Variants in CNOT2 observed in about 807,000 individuals in gnomAD.
CNOT2 encodes CC chemokine receptor 4-negative regulator of transcription 2.
Under a neutral mutation model 72.1 loss-of-function variants are expected in CNOT2, and 7 were observed. The observed-to-expected ratio is 0.10, with a 90% confidence interval of 0.06 to 0.18. The LOEUF (loss-of-function observed/expected upper bound fraction) is 0.18, where lower values mean the gene tolerates loss of function less well. Ranked by LOEUF, CNOT2 falls within the 10% of genes least tolerant of loss-of-function variation. CNOT2 has a pLI of 1.00. For synonymous variants in CNOT2, 196 were observed against 225.6 expected (o/e 0.87, Z 1.17); for missense variants, 345 against 660.3 (o/e 0.52, Z 5.23).
At chr12:70,277,009 C>CAT (rs974723171) in intron 1 of CNOT2, among the ~76,000 whole-genome samples, 34 of 151,740 alleles carry the variant, frequency 2.2e-4, no homozygotes, top group Admixed American at 9.8e-4. Context: ...AGAGGTACTC[C>CAT]ATATATATGT....
At chr12:70,337,648 A>C (rs1880885377) in intron 9 of CNOT2, 135 bp downstream of exon 9, 2 of 940,036 alleles carry the variant, frequency 2.1e-6, no homozygotes, top group African/African-American at 3.4e-5. Flanking sequence ...CTTCTGAAGA[A>C]TGTGGAAAAG....
chr12:70,344,877 G>A (rs1035659873), intron 14 of CNOT2: 5 of 152,058 alleles, frequency 3.3e-5, no homozygotes, highest in African/African-American at 7.2e-5. Context: ...TAAATAATTC[G>A]ATACTGAATT....
chr12:70,338,661 C>T lies in CNOT2; in HGVS notation c.1022-5C>T. The T allele has an allele frequency of 1.2e-6, 2 of 1,609,058 alleles. No homozygotes were observed. The highest frequency in any genetic ancestry group is 1.7e-6 in the Non-Finnish European group (2 of 1,178,062). The stretch of plus-strand genomic sequence containing the variant: ...AATAAAAGCAACTGTGTTTTTCCTA[C>T]CCAGGTCGGGTTACTAACATTCCTC... On this transcript the variant is annotated splice_region_variant and splice_polypyrimidine_tract_variant and intron_variant, in intron 10 of 15. Transcript: ENST00000229195.
At chr12:70,274,719 A>G (rs777701572) in intron 1 of CNOT2, among the ~76,000 whole-genome samples, 1 of 152,044 alleles carries the variant, frequency 6.6e-6, no homozygotes, top group Non-Finnish European at 1.5e-5. Context: ...TAATTGATCT[A>G]TTTTTTGGGT....
At chr12:70,268,950 A>ATGC (rs928966287) in intron 1 of CNOT2, among the ~76,000 whole-genome samples, 4 of 152,340 alleles carry the variant, frequency 2.6e-5, no homozygotes, top group African/African-American at 7.2e-5. Flanking sequence ...TTGGCATCTT[A>ATGC]TGCTGCAACA....
Position 70,266,455 on chromosome 12 carries a change from T to A in CNOT2, c.-95-11677T>A, listed in dbSNP as rs1959051451. Among the ~76,000 whole-genome samples the A allele has an allele frequency of 5.3e-5, 8 of 152,152 alleles. No individual in the cohort carries two copies. The South Asian group carries it at 1.7e-3, about 32-fold the overall frequency. Reference sequence around the variant, plus strand: ...TTATATTCTATAAATGTCAATTAGATCTAGTTGGTTAATGATGGTGTTCTG... The same window carrying A: ...TTATATTCTATAAATGTCAATTAGAACTAGTTGGTTAATGATGGTGTTCTG... On this transcript the variant is annotated intron_variant, in intron 1 of 15. Coordinates refer to ENST00000229195, the MANE Select transcript of CNOT2 (RefSeq NM_014515.7).
At chr12:70,271,868 C>G (rs149829523) in intron 1 of CNOT2, among the ~76,000 whole-genome samples, 1 of 152,210 alleles carries the variant, frequency 6.6e-6, no homozygotes, top group African/African-American at 2.4e-5. Context: ...CAACTTTAAA[C>G]AAAATTGAAA....
At chr12:70,296,818 G>A (rs938308293) in intron 2 of CNOT2, among the ~76,000 whole-genome samples, 3 of 148,746 alleles carry the variant, frequency 2.0e-5, no homozygotes, top group Non-Finnish European at 4.4e-5. Flanking sequence ...ATTTATAGTA[G>A]TTGCGAAGCA....
intron 3 of CNOT2, among the ~76,000 whole-genome samples, chr12:70,316,423 T>A (rs1399429626): frequency 1.3e-5 from 2 of 152,156 alleles, no homozygotes; most frequent in African/African-American, 4.8e-5. Flanking sequence ...ATTAAATCCA[T>A]TTTTAGCACC....
rs570290674 is a variant in CNOT2 at position 70,250,122 on chromosome 12, C to G, written c.-96+6642C>G. Reference sequence around the variant, plus strand: ...GCACTTGTGTGTGTATATGACTCATCCTAAAATGGATGGATGTGTGTAAAA... The same window carrying G: ...GCACTTGTGTGTGTATATGACTCATGCTAAAATGGATGGATGTGTGTAAAA... On this transcript the variant is annotated intron_variant, in intron 1 of 15. Transcript: ENST00000229195. 7.2e-5 allele frequency among the ~76,000 whole-genome samples: 11 copies of G among 152,160 alleles called. No individual in the cohort carries two copies. In the South Asian group the frequency reaches 2.3e-3, roughly 32 times the overall value.
rs745717452 is a variant in CNOT2, at chr12:70,329,452, A to G, written c.268A>G (p.Ser90Gly). The part of the protein sequence containing the change: ...SALGLPMRGM[S>G]NNTPQLNRSL... The stretch of plus-strand genomic sequence containing the variant: ...ACTAGGCCTTCCAATGAGGGGGATG[A>G]GCAACAATACCCCTCAGTTAAATCG... Residue 90 changes from serine to glycine, a missense_variant, in exon 5 of 16, where the codon AGC becomes GGC. Around this residue, in one of 4 missense-constraint regions of CNOT2, gnomAD observed 157 missense variants for 235.3 expected, o/e 0.67. Transcript: ENST00000229195. The G allele has an allele frequency of 1.2e-6, 2 of 1,610,778 alleles. No individual in the cohort carries two copies. Among genetic ancestry groups the G allele is most frequent in the Non-Finnish European group, 1.7e-6 (2 of 1,177,694 alleles).
At chr12:70,339,014 ATGTGTGTGTGTGTGTGTGTGTG>A (rs143055295) in intron 11 of CNOT2, among the ~76,000 whole-genome samples, 192 bp downstream of exon 11, 2 of 130,966 alleles carry the variant, frequency 1.5e-5, no homozygotes, top group South Asian at 2.5e-4. Flanking sequence ...TTGGCATTTT[ATGTGTGTGTGTGTGTGTGTGTG>A]TGTGTGTGTG....
chr12:70,338,574 A>G lies in CNOT2; in HGVS notation c.1021+11A>G, dbSNP rs954484981. The G allele has an allele frequency of 6.2e-7, 1 of 1,604,446 alleles. No individual in the cohort carries two copies. The highest frequency in any genetic ancestry group is 8.5e-7 in the Non-Finnish European group (1 of 1,177,370). Reference sequence around the variant, plus strand: ...AGGTGTTACCTGATGGTGGGACTCTAGAAATCTATGTCAAAGATATTATAG... The same window carrying G: ...AGGTGTTACCTGATGGTGGGACTCTGGAAATCTATGTCAAAGATATTATAG... On this transcript the variant is annotated intron_variant, in intron 10 of 15. Coordinates refer to ENST00000229195, the MANE Select transcript of CNOT2 (RefSeq NM_014515.7).
intron 1 of CNOT2, among the ~76,000 whole-genome samples, chr12:70,272,597 C>T (rs1340533654): frequency 6.6e-6 from 1 of 152,126 alleles, no homozygotes; most frequent in Non-Finnish European, 1.5e-5. Flanking sequence ...TGTTGCTTCT[C>T]TCATGCTTCT....
intron 3 of CNOT2, among the ~76,000 whole-genome samples, chr12:70,312,695 A>G (rs753247935): frequency 1.3e-5 from 2 of 151,978 alleles, no homozygotes; most frequent in Non-Finnish European, 2.9e-5. Context: ...CTCTAAAGCA[A>G]TACAAATATG....
intron 5 of CNOT2, among the ~76,000 whole-genome samples, chr12:70,330,078 A>G (rs943504844): frequency 6.6e-6 from 1 of 151,938 alleles, no homozygotes; most frequent in Admixed American, 6.6e-5. Flanking sequence ...CTTAGATACC[A>G]CCTTTTATCA....
intron 2 of CNOT2, among the ~76,000 whole-genome samples, chr12:70,304,287 A>G (rs1874768379): frequency 6.6e-6 from 1 of 151,976 alleles, no homozygotes; most frequent in Non-Finnish European, 1.5e-5. Flanking sequence ...TCTGCTTTTT[A>G]GAGTTTCCAG....
At chr12:70,300,967 A>G (rs1565785999) in intron 2 of CNOT2, among the ~76,000 whole-genome samples, 2 of 152,028 alleles carry the variant, frequency 1.3e-5, no homozygotes, top group Non-Finnish European at 2.9e-5. Flanking sequence ...TAGGTATTTT[A>G]TTCTCTTTGA....
chr12:70,261,305 CTTTTTTTTTT>C (rs71437141), intron 1 of CNOT2, among the ~76,000 whole-genome samples: 16 of 43,352 alleles, frequency 3.7e-4, no homozygotes, highest in Middle Eastern at 0.023. Context: ...TTCTTTCTTT[CTTTTTTTTTT>C]TTTTTTTTTT....
Sources: gnomAD v4.1 joint callset for allele counts (sites outside exome capture counted in the v4.1 genomes callset) on GRCh38, gnomAD v4.1.1 for gene constraint, gnomAD v4.1.1 regional missense constraint, MANE v1.5 for transcripts, NCBI Gene and HGNC (gene_info 2026-07-23, HGNC 2026-07-21) for gene names.